TACR3: variants seen among roughly 807,000 people sequenced by gnomAD.
The protein encoded by TACR3 is neuromedin-K receptor.
A neutral mutation model predicts 35.0 loss-of-function variants in TACR3; 34 were observed. The ratio of observed to expected loss-of-function variants is 0.97; its 90% confidence interval spans 0.74 to 1.30. TACR3 has a LOEUF of 1.30. Ranked by LOEUF, TACR3 falls within the 50% of genes most tolerant of loss-of-function variation. The pLI, the probability that TACR3 is intolerant of heterozygous loss-of-function variation, is 0.00. For missense variants in TACR3, 558 were observed against 591.7 expected (o/e 0.94, Z 0.59); for synonymous variants, 233 against 221.1 (o/e 1.05, Z -0.48).
chr4:103,590,606 G>C (rs1385392209), intron 4 of TACR3, among the ~76,000 whole-genome samples: 1 of 150,930 alleles, frequency 6.6e-6, no homozygotes, highest in South Asian at 2.1e-4. Context: ...AAAAAAGCAA[G>C]AGTTAATTAA....
At chr4:103,644,854 AGTGGAAATGTGTCCTGAAAAT>A (rs1003951956) in intron 3 of TACR3, among the ~76,000 whole-genome samples, 1 of 151,822 alleles carries the variant, frequency 6.6e-6, no homozygotes, top group African/African-American at 2.4e-5. Flanking sequence ...CATGGAAATA[AGTGGAAATGTGTCCTGAAAAT>A]GTGGAAATGT....
chr4:103,712,380 T>A (rs962031125), intron 1 of TACR3, among the ~76,000 whole-genome samples: 3 of 152,198 alleles, frequency 2.0e-5, no homozygotes, highest in African/African-American at 7.2e-5. Context: ...GGGAAAGGAT[T>A]CCCTATTTAA....
Position 103,588,044 on chromosome 4 carries a change from A to C in TACR3, c.*1638T>G, listed in dbSNP as rs557785621. The C allele has an allele frequency of 1.3e-5, 2 of 151,874 alleles. No individual in the cohort carries two copies. The highest frequency in any genetic ancestry group is 4.8e-5 in the African/African-American group (2 of 41,372). The allele number at this position is 151,874 out of a possible 1,614,324, so 9.4% of individuals were successfully genotyped here. A position where few individuals can be genotyped will look rare whatever the true frequency, so the allele number is the denominator to read the frequency against. On this transcript the variant is annotated 3_prime_UTR_variant, in exon 5 of 5. Coordinates refer to ENST00000304883, the MANE Select transcript of TACR3 (RefSeq NM_001059.3). Reference sequence around the variant, plus strand: ...TCATCAGAAGAAATTCAGCTGGAACACATATGTTTAGCTTGTTTAGACTCC... The same window carrying C: ...TCATCAGAAGAAATTCAGCTGGAACCCATATGTTTAGCTTGTTTAGACTCC...
At chr4:103,611,829 G>C (rs927192355) in intron 3 of TACR3, among the ~76,000 whole-genome samples, 9 of 152,134 alleles carry the variant, frequency 5.9e-5, no homozygotes, top group African/African-American at 1.9e-4. Flanking sequence ...ACACTTATAA[G>C]TCATGGTTGT....
intron 3 of TACR3, among the ~76,000 whole-genome samples, chr4:103,598,678 C>T (rs1411560792): frequency 6.6e-6 from 1 of 152,268 alleles, no homozygotes; most frequent in East Asian, 1.9e-4. Context: ...ATATGGCTAG[C>T]CAGTTTTCCC....
At chr4:103,591,397 G>C (rs999879096) in intron 4 of TACR3, 90 bp downstream of exon 4, 2 of 1,512,206 alleles carry the variant, frequency 1.3e-6, no homozygotes, top group African/African-American at 2.8e-5. Context: ...TCTGCATTTT[G>C]AATTTGAACC....
At chr4:103,674,593 C>G (rs1465246789) in intron 1 of TACR3, among the ~76,000 whole-genome samples, 3 of 152,168 alleles carry the variant, frequency 2.0e-5, no homozygotes, top group Non-Finnish European at 4.4e-5. Flanking sequence ...CGCTCTGTCA[C>G]CAGGCTGGAG....
At chr4:103,641,290 C>G (rs1276603601) in intron 3 of TACR3, among the ~76,000 whole-genome samples, 1 of 151,752 alleles carries the variant, frequency 6.6e-6, no homozygotes, top group Admixed American at 6.6e-5. Context: ...CAGTACCATA[C>G]CATTTTGATT....
intron 1 of TACR3, among the ~76,000 whole-genome samples, chr4:103,689,726 G>T (rs534149001): frequency 4.6e-5 from 7 of 152,146 alleles, no homozygotes; most frequent in African/African-American, 1.7e-4. Context: ...ACAAGCATAT[G>T]CATGATGGGA....
At chr4:103,600,808 C>A (rs546286503) in intron 3 of TACR3, among the ~76,000 whole-genome samples, 24 of 152,152 alleles carry the variant, frequency 1.6e-4, no homozygotes, top group Non-Finnish European at 2.8e-4. Flanking sequence ...AGTTTGATTG[C>A]ACTGTGGTCT....
In TACR3 at chr4:103,694,036, G is replaced by T. The variant is rs549032514; in HGVS notation, c.548+25092C>A. On this transcript the variant is annotated intron_variant, in intron 1 of 4. Coordinates refer to ENST00000304883, the MANE Select transcript of TACR3 (RefSeq NM_001059.3). ...TGTAATTATCTCATATTATAACCAA[G>T]TAGTTTAGGTTCAAAACACATTAAA... Among the ~76,000 whole-genome samples, 17 of 152,162 alleles carry T rather than the reference G, an allele frequency of 1.1e-4. No individual in the cohort carries two copies. In the East Asian group the frequency reaches 3.3e-3, roughly 29 times the overall value.
chr4:103,591,832 C>T (rs1023632290), intron 3 of TACR3, 149 bp from the exon 4 acceptor site: 19 of 791,708 alleles, frequency 2.4e-5, no homozygotes, highest in Admixed American at 6.9e-5. Flanking sequence ...AAGCAATATA[C>T]GGACAGTTGC....
At chr4:103,696,670 G>C (rs948710114) in intron 1 of TACR3, among the ~76,000 whole-genome samples, 7 of 151,880 alleles carry the variant, frequency 4.6e-5, no homozygotes, top group African/African-American at 1.7e-4. Context: ...CTCTATGATG[G>C]CTTCACCCTT....
At chr4:103,696,776 A>G (rs1022000629) in intron 1 of TACR3, among the ~76,000 whole-genome samples, 1 of 152,176 alleles carries the variant, frequency 6.6e-6, no homozygotes, top group African/African-American at 2.4e-5. Flanking sequence ...AAGTATCAAC[A>G]TTCCCTCCAT....
chr4:103,601,081 G>A (rs1467361639), intron 3 of TACR3, among the ~76,000 whole-genome samples: 1 of 152,142 alleles, frequency 6.6e-6, no homozygotes, highest in Non-Finnish European at 1.5e-5. Flanking sequence ...CATTATTATT[G>A]TGTGGAGTCT....
intron 3 of TACR3, among the ~76,000 whole-genome samples, chr4:103,639,250 C>G (rs1317758082): frequency 8.0e-6 from 1 of 124,258 alleles, no homozygotes; most frequent in Admixed American, 7.3e-5. Context: ...CCATGGAATA[C>G]TATGCAGCCA....
rs112217694 is a variant in TACR3, at chr4:103,719,907, G to C, written c.-232C>G. On this transcript the variant is annotated 5_prime_UTR_variant, in exon 1 of 5. In the 5' UTR this introduces an upstream ATG that the reference lacks. Coordinates refer to ENST00000304883, the MANE Select transcript of TACR3 (RefSeq NM_001059.3). ...CGGCTCTGGCAGGCAGAAAGAATGAGATCCTCCCGAGATTAAGGGTTATCG... is the reference window on the plus strand; with the variant it reads ...CGGCTCTGGCAGGCAGAAAGAATGACATCCTCCCGAGATTAAGGGTTATCG... 0.05 allele frequency: 29,853 copies of C among 600,726 alleles called. 863 individuals carry two copies. The highest frequency in any genetic ancestry group is 0.06 in the Non-Finnish European group (20,318 of 339,076). The allele number at this position is 600,726 out of a possible 1,614,324, so 37.2% of individuals were successfully genotyped here.
intron 3 of TACR3, among the ~76,000 whole-genome samples, chr4:103,629,381 C>G (rs1377198018): frequency 6.6e-6 from 1 of 152,090 alleles, no homozygotes; most frequent in East Asian, 1.9e-4. Context: ...GATTGTATAT[C>G]TAGAAAACCC....
At chr4:103,677,716 G>T (rs1033324719) in intron 1 of TACR3, among the ~76,000 whole-genome samples, 1 of 152,126 alleles carries the variant, frequency 6.6e-6, no homozygotes, top group Non-Finnish European at 1.5e-5. Context: ...AGTGTGGAGG[G>T]TGGGAGGAAG....
Sources: gnomAD v4.1 joint callset for allele counts (sites outside exome capture counted in the v4.1 genomes callset) on GRCh38, gnomAD v4.1.1 for gene constraint, MANE v1.5 for transcripts, NCBI Gene and HGNC (gene_info 2026-07-23, HGNC 2026-07-21) for gene names.